Variants in C10orf90 observed in about 807,000 individuals in gnomAD.
The protein encoded by C10orf90 is (E2-independent) E3 ubiquitin-conjugating enzyme FATS.
In C10orf90, 56 loss-of-function variants were observed where a neutral mutation model predicts 62.5. That is an observed-to-expected ratio of 0.90 (90% CI 0.72 to 1.12). The LOEUF is 1.12. Among genes scored for constraint, C10orf90 ranks in the 50% most tolerant of loss-of-function variants. C10orf90 has a pLI of 0.00. For missense variants in C10orf90, 970 were observed against 880.4 expected (o/e 1.10, Z -1.29); for synonymous variants, 386 against 340.4 (o/e 1.13, Z -1.47).
chr10:126,614,086 CA>C, intron 2 of C10orf90, among the ~76,000 whole-genome samples: 1 of 152,214 alleles, frequency 6.6e-6, no homozygotes, highest in African/African-American at 2.4e-5. Context: ...AGTGGGTCCC[CA>C]AAACAGCAAC....
intron 4 of C10orf90, among the ~76,000 whole-genome samples, chr10:126,473,043 A>T (rs1860665740): frequency 6.6e-6 from 1 of 152,208 alleles, no homozygotes. Flanking sequence ...ACTATGTGCC[A>T]GGAAATGTTA....
chr10:126,566,550 G>T (rs974097741), intron 2 of C10orf90, among the ~76,000 whole-genome samples: 3 of 152,180 alleles, frequency 2.0e-5, no homozygotes, highest in Admixed American at 2.0e-4. Context: ...CACCTGAAAG[G>T]CGAGAAGGAA....
intron 2 of C10orf90, among the ~76,000 whole-genome samples, chr10:126,591,645 G>T (rs1844981653): frequency 6.6e-6 from 1 of 152,128 alleles, no homozygotes; most frequent in South Asian, 2.1e-4. Context: ...ATAAGACAAG[G>T]ATGCCCTCTC....
At chr10:126,502,116 CACCACA>C (rs1422163168) in intron 4 of C10orf90, among the ~76,000 whole-genome samples, 3 of 145,796 alleles carry the variant, frequency 2.1e-5, no homozygotes, top group African/African-American at 7.9e-5. Flanking sequence ...CACACACACA[CACCACA>C]CACACACAAC....
intron 8 of C10orf90, among the ~76,000 whole-genome samples, chr10:126,428,513 C>T (rs1472746405): frequency 6.6e-6 from 1 of 152,148 alleles, no homozygotes; most frequent in African/African-American, 2.4e-5. Flanking sequence ...CTGCTAAATC[C>T]ACCAGAGGAG....
chr10:126,605,992 G>A (rs1267881251), intron 2 of C10orf90, among the ~76,000 whole-genome samples: 3 of 152,180 alleles, frequency 2.0e-5, no homozygotes, highest in African/African-American at 7.2e-5. Context: ...GTGAATTGAA[G>A]GAGACCACTT....
intron 3 of C10orf90, among the ~76,000 whole-genome samples, chr10:126,509,278 A>G (rs1484156926): frequency 6.6e-6 from 1 of 152,226 alleles, no homozygotes; most frequent in Non-Finnish European, 1.5e-5. Context: ...ACGAATGCCC[A>G]GTTCCAAAGA....
chr10:126,583,159 C>T (rs1844788953), intron 2 of C10orf90, among the ~76,000 whole-genome samples: 1 of 152,190 alleles, frequency 6.6e-6, no homozygotes, highest in Non-Finnish European at 1.5e-5. Flanking sequence ...ACCACCCCGT[C>T]AATAAACACT....
chr10:126,623,622 AT>A (rs1457075128), intron 2 of C10orf90, among the ~76,000 whole-genome samples: 1 of 152,028 alleles, frequency 6.6e-6, no homozygotes, highest in Non-Finnish European at 1.5e-5. Context: ...TGGGTGGATC[AT>A]TTGAGGTTAG....
intron 2 of C10orf90, among the ~76,000 whole-genome samples, chr10:126,634,608 G>C (rs1845913508): frequency 6.6e-6 from 1 of 152,084 alleles, no homozygotes; most frequent in Admixed American, 6.5e-5. Context: ...AATCTACTAA[G>C]AGGGTAAATC....
intron 4 of C10orf90, among the ~76,000 whole-genome samples, chr10:126,482,212 C>G (rs547066316): frequency 6.6e-6 from 1 of 152,288 alleles, no homozygotes; most frequent in Non-Finnish European, 1.5e-5. Flanking sequence ...GATAACCTTT[C>G]TTTTGTTATA....
intron 2 of C10orf90, among the ~76,000 whole-genome samples, chr10:126,545,722 C>T (rs1864475928): frequency 6.6e-6 from 1 of 152,164 alleles, no homozygotes. Flanking sequence ...TTCACACCGT[C>T]AGCATGGAAT....
chr10:126,578,091 A>G (rs915158794), intron 2 of C10orf90, among the ~76,000 whole-genome samples: 1 of 152,206 alleles, frequency 6.6e-6, no homozygotes, highest in Non-Finnish European at 1.5e-5. Context: ...CCAAAATATC[A>G]TAAACAGAAA....
chr10:126,426,138 T>C (rs964866084), intron 8 of C10orf90, 48 bp from the exon 9 acceptor site: 1 of 1,453,670 alleles, frequency 6.9e-7, no homozygotes, highest in African/African-American at 1.4e-5. Flanking sequence ...GACAGCGTGC[T>C]CCCGCTGTGG....
At chr10:126,656,475 G>A (rs1430271798) in intron 1 of C10orf90, among the ~76,000 whole-genome samples, 1 of 152,186 alleles carries the variant, frequency 6.6e-6, no homozygotes, top group Non-Finnish European at 1.5e-5. Context: ...GAAGAGTCAG[G>A]ATTCATATCC....
chr10:126,643,357 A>G (rs1017003628), intron 2 of C10orf90, among the ~76,000 whole-genome samples: 1 of 152,132 alleles, frequency 6.6e-6, no homozygotes, highest in African/African-American at 2.4e-5. Flanking sequence ...GGGGTTTAAA[A>G]CATCAGACAT....
intron 2 of C10orf90, among the ~76,000 whole-genome samples, chr10:126,561,087 C>CT (rs11416256): frequency 0.13 from 19,088 of 152,178 alleles, 1,422 homozygotes; most frequent in Non-Finnish European, 0.18. Context: ...CTTCCTGTCA[C>CT]TGGTTTTTAC....
At chr10:126,443,809 A>G (rs1479552379) in intron 7 of C10orf90, among the ~76,000 whole-genome samples, 1 of 152,160 alleles carries the variant, frequency 6.6e-6, no homozygotes, top group East Asian at 1.9e-4. Context: ...ACAACATATC[A>G]AAAAGATAAG....
At chr10:126,555,420 C>A (rs922448503) in intron 2 of C10orf90, among the ~76,000 whole-genome samples, 1 of 152,248 alleles carries the variant, frequency 6.6e-6, no homozygotes, top group Middle Eastern at 3.4e-3. Context: ...TGCCTGTAAT[C>A]CCAACACTTT....
Sources: allele counts gnomAD v4.1 joint callset (sites outside exome capture counted in the v4.1 genomes callset), GRCh38; gene constraint gnomAD v4.1.1; transcripts MANE v1.5; gene names NCBI Gene and HGNC (gene_info 2026-07-23, HGNC 2026-07-21).